Variants in ABHD2 observed in about 807,000 individuals in gnomAD.
ABHD2 encodes the protein monoacylglycerol lipase ABHD2.
ABHD2 carries 20 observed loss-of-function variants against 48.1 expected under a neutral mutation model. The observed-to-expected ratio is 0.42, with a 90% CI of 0.29 to 0.60. ABHD2 has a LOEUF of 0.60. Ranked by LOEUF, ABHD2 falls within the 20% of genes least tolerant of loss-of-function variation. The pLI, the probability that ABHD2 is intolerant of heterozygous loss-of-function variation, is 0.24. For missense variants in ABHD2, 405 were observed against 550.9 expected, an observed-to-expected ratio of 0.74 and a Z score of 2.65; for synonymous variants, 209 against 214.2, an observed-to-expected ratio of 0.98 and a Z score of 0.21.
chr15:89,155,360 G>A lies in ABHD2; in HGVS notation c.371-7G>A, dbSNP rs112411003. 44 of 1,611,002 alleles carry A rather than the reference G, an allele frequency of 2.7e-5. No individual in the cohort carries two copies. The highest frequency in any genetic ancestry group is 1.1e-4 in the South Asian group (10 of 90,908). On this transcript the variant is annotated splice_polypyrimidine_tract_variant and splice_region_variant and intron_variant, in intron 4 of 10. Coordinates refer to ENST00000352732, the MANE Select transcript of ABHD2 (RefSeq NM_152924.5). This position sits in a 1 kb window ranked among gnomAD's most constrained non-coding sequence, Gnocchi z 4.9. ...GATACATCAGGATCTCTTTCTCTAC[G>A]CTATAGATGATATCACCATGGTCAT...
rs377432197 is a variant in ABHD2 at position 89,152,288 on chromosome 15, C to G, written c.370+436C>G. 1.8e-4 allele frequency among the ~76,000 whole-genome samples: 27 copies of G among 152,150 alleles called. No homozygotes were observed. In the South Asian group the frequency reaches 4.8e-3, roughly 27 times the overall value. The stretch of plus-strand genomic sequence containing the variant: ...TAGAGACGGGTTTTAACTGTGTTAG[C>G]CAGGATGGTCTCGATCTCCTGACCT... On this transcript the variant is annotated intron_variant, in intron 4 of 10. Coordinates refer to ENST00000352732, the MANE Select transcript of ABHD2 (RefSeq NM_152924.5).
At chr15:89,045,846 C>G in the ABHD2 span, among the ~76,000 whole-genome samples, 26 of 151,686 alleles carry the variant, frequency 1.7e-4, no homozygotes, top group Middle Eastern at 3.4e-3. Context: ...CTGCAAACAG[C>G]GACAATTTGA....
the ABHD2 span, among the ~76,000 whole-genome samples, chr15:89,044,214 C>T: frequency 1.3e-5 from 2 of 152,170 alleles, no homozygotes; most frequent in African/African-American, 4.8e-5. Context: ...TCATCCATGT[C>T]CCTACAAAGG....
the ABHD2 span, among the ~76,000 whole-genome samples, chr15:89,048,331 A>G: frequency 5.5e-4 from 83 of 151,878 alleles, no homozygotes; most frequent in Non-Finnish European, 1.1e-3. Flanking sequence ...TGCCCTTAAC[A>G]TTTTTCCTTC....
the ABHD2 span, among the ~76,000 whole-genome samples, chr15:89,055,687 C>G: frequency 1.3e-5 from 2 of 152,076 alleles, no homozygotes; most frequent in Non-Finnish European, 2.9e-5. Flanking sequence ...TAGAAACACC[C>G]TGGATGTCTA....
At chr15:89,063,131 C>T in the ABHD2 span, among the ~76,000 whole-genome samples, 1 of 151,276 alleles carries the variant, frequency 6.6e-6, no homozygotes, top group Admixed American at 6.6e-5. Context: ...CCATGCCCGG[C>T]TAATTTTTGT....
chr15:89,056,204 C>T, the ABHD2 span, among the ~76,000 whole-genome samples: 4 of 152,110 alleles, frequency 2.6e-5, no homozygotes, highest in Admixed American at 6.6e-5. Flanking sequence ...AATCCCTCTA[C>T]GAATTTTTAA....
chr15:89,133,164 G>T (rs919660584), intron 3 of ABHD2, among the ~76,000 whole-genome samples: 1 of 152,126 alleles, frequency 6.6e-6, no homozygotes, highest in Admixed American at 6.5e-5. Context: ...GTCGGCTCTT[G>T]TTTATCCTTC....
At chr15:89,169,252 G>A (rs1376670709) in intron 5 of ABHD2, among the ~76,000 whole-genome samples, 2 of 152,280 alleles carry the variant, frequency 1.3e-5, no homozygotes, top group South Asian at 2.1e-4. Context: ...AAAGTCTAGC[G>A]TTGGACTTTG....
rs2050183712 is a variant in ABHD2, at chr15:89,129,331, C to G, written c.194+12810C>G. On this transcript the variant is annotated intron_variant, in intron 3 of 10. Transcript: ENST00000352732. ...CCAGCAGCCTCCAGTTCCATGGCAG[C>G]CAGAGAAGGAAAACATTGAAGAGGG... Among the ~76,000 whole-genome samples, 5 of 151,816 alleles carry G rather than the reference C, an allele frequency of 3.3e-5. No homozygotes were observed. The South Asian group carries it at 1.0e-3, about 32-fold the overall frequency.
chr15:89,155,122 C>CT lies in ABHD2; in HGVS notation c.371-241dup, dbSNP rs377338312. ...TTTTCCAGTAATTAACTTCTATTGT[C>CT]TTTTCAAAAGTATCTGTTCATGACT... On this transcript the variant is annotated intron_variant, in intron 4 of 10. Transcript: ENST00000352732. The surrounding 1 kb of genome is among the most constrained non-coding windows in gnomAD (Gnocchi z 4.9). Among the ~76,000 whole-genome samples the CT allele has an allele frequency of 4.9e-3, 751 of 152,222 alleles. 7 individuals are homozygous for CT. The highest frequency in any genetic ancestry group is 0.017 in the African/African-American group (709 of 41,526).
intron 4 of ABHD2, among the ~76,000 whole-genome samples, chr15:89,154,551 A>G (rs1392932227): frequency 5.3e-5 from 8 of 152,166 alleles, no homozygotes; most frequent in African/African-American, 1.7e-4. Flanking sequence ...CCCACTCTCA[A>G]GGTTCTTGTG....
At position 89,189,886 on chromosome 15, in the gene ABHD2, G is replaced by A. The variant is rs566866409; in HGVS notation, c.927-1194G>A. ...TCTAAAGTCTTTCCTCTTTAATAGC[G>A]TTGGAAAATAGCAGTTTTATGATCA... is the stretch of plus-strand genomic sequence containing the variant. On this transcript the variant is annotated intron_variant, in intron 8 of 10. Coordinates refer to ENST00000352732, the MANE Select transcript of ABHD2 (RefSeq NM_152924.5). The surrounding 1 kb of genome is among the most constrained non-coding windows in gnomAD (Gnocchi z 4.9). 2.0e-5 allele frequency among the ~76,000 whole-genome samples: 3 copies of A among 152,120 alleles called. No individual in the cohort carries two copies. The highest frequency in any genetic ancestry group is 2.1e-4 in the South Asian group (1 of 4,812).
At chr15:89,047,202 C>T in the ABHD2 span, among the ~76,000 whole-genome samples, 71 of 152,134 alleles carry the variant, frequency 4.7e-4, no homozygotes, top group South Asian at 2.7e-3. Context: ...TGTAGTTGAG[C>T]GGTTTTAAGT....
At chr15:89,089,987 G>A (rs1350139733) in intron 1 of ABHD2, among the ~76,000 whole-genome samples, 1 of 152,182 alleles carries the variant, frequency 6.6e-6, no homozygotes, top group African/African-American at 2.4e-5. Context: ...CAATGCACAG[G>A]TGAGGAAACT....
At position 89,186,071 on chromosome 15, in the gene ABHD2, T is replaced by G. The variant is rs1567110734; in HGVS notation, c.815+555T>G. 6.6e-6 allele frequency among the ~76,000 whole-genome samples: 1 copy of G among 152,186 alleles called. No homozygotes were observed. Among genetic ancestry groups the G allele is most frequent in the Non-Finnish European group, 1.5e-5 (1 of 68,040 alleles). On this transcript the variant is annotated intron_variant, in intron 7 of 10. Coordinates refer to ENST00000352732, the MANE Select transcript of ABHD2 (RefSeq NM_152924.5). This position sits in a 1 kb window ranked among gnomAD's most constrained non-coding sequence, Gnocchi z 4.3. ...AGACAATGAACCACTTCCACACCCT[T>G]TTCTCCCAAATTAGAGCAGTCACGA...
At position 89,193,100 on chromosome 15, in the gene ABHD2, C is replaced by A. The variant is rs1023407649; in HGVS notation, c.997-135C>A. On this transcript the variant is annotated intron_variant, in intron 9 of 10. Transcript: ENST00000352732. The stretch of plus-strand genomic sequence containing the variant: ...GAGAATACAAGGCGTCCTTCCTGTA[C>A]CTGTTCAGCAAGCTGAGCTGTGACC... 5.3e-6 allele frequency: 4 copies of A among 754,792 alleles called. No homozygotes were observed. In the African/African-American group the frequency reaches 6.9e-5, roughly 13 times the overall value. 46.8% of individuals were successfully genotyped at this position (754,792 alleles called of 1,614,324 possible).
chr15:89,073,653 A>G, the ABHD2 span, among the ~76,000 whole-genome samples: 1 of 152,100 alleles, frequency 6.6e-6, no homozygotes, highest in South Asian at 2.1e-4. Flanking sequence ...CTCACGCACT[A>G]CTTCTCAAAC....
intron 1 of ABHD2, among the ~76,000 whole-genome samples, chr15:89,089,803 T>G (rs1426329005): frequency 6.6e-6 from 1 of 152,246 alleles, no homozygotes; most frequent in African/African-American, 2.4e-5. Flanking sequence ...AGAAAGAATC[T>G]TAACACACCT....
Sources: allele counts gnomAD v4.1 joint callset (sites outside exome capture counted in the v4.1 genomes callset), GRCh38; gene constraint gnomAD v4.1.1; non-coding constraint Gnocchi (gnomAD v3.1); transcripts MANE v1.5; gene names NCBI Gene and HGNC (gene_info 2026-07-23, HGNC 2026-07-21).